Variants in PRSS38 observed in about 807,000 individuals in gnomAD.
The protein encoded by PRSS38 is serine protease 38, also known as marapsin 2.
Under a neutral mutation model 26.8 loss-of-function variants are expected in PRSS38, and 22 were observed. The ratio of observed to expected loss-of-function variants is 0.82; its 90% CI spans 0.59 to 1.17. PRSS38 has a LOEUF of 1.17. PRSS38 is among the 50% of genes most tolerant of loss of function. PRSS38 has a pLI of 0.00. For missense variants in PRSS38, 427 were observed against 422.7 expected (o/e 1.01, Z -0.09); for synonymous variants, 175 against 172.1 (o/e 1.02, Z -0.13).
chr1:227,837,114 C>T (rs1198113514), intron 3 of PRSS38, among the ~76,000 whole-genome samples: 1 of 152,194 alleles, frequency 6.6e-6, no homozygotes, highest in African/African-American at 2.4e-5. Context: ...CCTCAGCCTT[C>T]AGAGGAGCTG....
chr1:227,844,279 C>T (rs1665381707), intron 3 of PRSS38, among the ~76,000 whole-genome samples: 1 of 151,932 alleles, frequency 6.6e-6, no homozygotes, highest in African/African-American at 2.4e-5. Context: ...GTCGGGACTT[C>T]ATTCATGGGT....
At chr1:227,818,675 C>CAAA (rs71180764) in intron 3 of PRSS38, among the ~76,000 whole-genome samples, 5,434 of 60,948 alleles carry the variant, frequency 0.089, 446 homozygotes, top group Non-Finnish European at 0.11. Context: ...GACCTTCTCT[C>CAAA]AAAAAAAAAA....
At chr1:227,825,372 A>G (rs942765893) in intron 3 of PRSS38, among the ~76,000 whole-genome samples, 1 of 152,074 alleles carries the variant, frequency 6.6e-6, no homozygotes, top group African/African-American at 2.4e-5. Flanking sequence ...TTGTATTTTT[A>G]GTAGAGGCAG....
chr1:227,830,720 G>C (rs1665142439), intron 3 of PRSS38, among the ~76,000 whole-genome samples: 1 of 151,776 alleles, frequency 6.6e-6, no homozygotes, highest in African/African-American at 2.4e-5. Context: ...GGCCAGGCTG[G>C]TCTCGAACTC....
At chr1:227,845,566 A>G in exon 4 of PRSS38, 1 of 1,613,672 alleles carries the variant, frequency 6.2e-7, no homozygotes, top group Non-Finnish European at 8.5e-7. Context: ...ATCATGCCCG[A>G]CATGCTGTGT....
intron 3 of PRSS38, among the ~76,000 whole-genome samples, chr1:227,818,920 T>C (rs1383453118): frequency 6.6e-6 from 1 of 152,212 alleles, no homozygotes; most frequent in African/African-American, 2.4e-5. Flanking sequence ...ATGATTACTC[T>C]GTCTTACTCT....
chr1:227,837,760 A>G (rs902027927), intron 3 of PRSS38, among the ~76,000 whole-genome samples: 1 of 152,206 alleles, frequency 6.6e-6, no homozygotes, highest in African/African-American at 2.4e-5. Flanking sequence ...GATACTTGGT[A>G]GTGCCATCTT....
chr1:227,815,923 C>A, intron 1 of PRSS38, 59 bp downstream of exon 1: 1 of 1,540,928 alleles, frequency 6.5e-7, no homozygotes, highest in Non-Finnish European at 8.8e-7. Flanking sequence ...GGGCGTCTGT[C>A]GGTGCTGGGC....
In PRSS38 at chr1:227,816,028, G is replaced by A; in HGVS notation, c.149-62G>A. Reference sequence around the variant, plus strand: ...CCCCTGCCCCTCCCCCACGTCCCCTGCCTGCCCTACCTCTCCCGTGGCCCC... The same window carrying A: ...CCCCTGCCCCTCCCCCACGTCCCCTACCTGCCCTACCTCTCCCGTGGCCCC... On this transcript the variant is annotated intron_variant, in intron 1 of 4. Transcript: ENST00000366757. The surrounding 1 kb of genome is among the most constrained non-coding windows in gnomAD (Gnocchi z 5.1). 1 of 1,528,030 alleles carries A rather than the reference G, an allele frequency of 6.5e-7. No homozygotes were observed. The highest frequency in any genetic ancestry group is 8.9e-7 in the Non-Finnish European group (1 of 1,128,674). The allele number at this position is 1,528,030 out of a possible 1,614,324, so 94.7% of individuals were successfully genotyped here. A position where few individuals can be genotyped will look rare whatever the true frequency, so the allele number is the denominator to read the frequency against.
intron 3 of PRSS38, among the ~76,000 whole-genome samples, chr1:227,837,297 T>C (rs1359634415): frequency 1.3e-5 from 2 of 152,254 alleles, no homozygotes; most frequent in African/African-American, 4.8e-5. Context: ...AATTTTGTCA[T>C]CATTTAGTAG....
intron 3 of PRSS38, among the ~76,000 whole-genome samples, chr1:227,818,828 T>C (rs1664960981): frequency 6.6e-6 from 1 of 152,306 alleles, no homozygotes; most frequent in South Asian, 2.1e-4. Context: ...CAATAGTTTC[T>C]ATTAAAGTAA....
chr1:227,825,685 T>C (rs936555270), intron 3 of PRSS38, among the ~76,000 whole-genome samples: 3 of 152,172 alleles, frequency 2.0e-5, no homozygotes, highest in African/African-American at 7.2e-5. Flanking sequence ...GATCAGATGA[T>C]TGTAGGTGTG....
At chr1:227,842,043 G>A (rs568615381) in intron 3 of PRSS38, among the ~76,000 whole-genome samples, 13 of 152,194 alleles carry the variant, frequency 8.5e-5, no homozygotes, top group African/African-American at 3.1e-4. Context: ...GAAGCCAGTA[G>A]AATGAGAACT....
chr1:227,834,388 G>A (rs1164029054), intron 3 of PRSS38, among the ~76,000 whole-genome samples: 2 of 152,084 alleles, frequency 1.3e-5, no homozygotes, highest in African/African-American at 4.8e-5. Context: ...AAATAAATTG[G>A]CCAGGTGTAG....
chr1:227,835,673 A>G (rs1356672550), intron 3 of PRSS38, among the ~76,000 whole-genome samples: 2 of 152,212 alleles, frequency 1.3e-5, no homozygotes, highest in African/African-American at 4.8e-5. Context: ...TCGAGCCTCA[A>G]AAACACAATG....
exon 5 of PRSS38, chr1:227,846,093 G>T (rs1444612821): frequency 6.2e-7 from 1 of 1,614,216 alleles, no homozygotes; most frequent in Admixed American, 1.7e-5. Context: ...AAATGGATAT[G>T]TGATAACATA....
At chr1:227,825,411 C>T (rs1043534527) in intron 3 of PRSS38, among the ~76,000 whole-genome samples, 1 of 152,222 alleles carries the variant, frequency 6.6e-6, no homozygotes, top group South Asian at 2.1e-4. Flanking sequence ...GGGATGGTCT[C>T]GATCTCCTGA....
intron 3 of PRSS38, among the ~76,000 whole-genome samples, chr1:227,820,901 T>C (rs767947529): frequency 2.0e-5 from 3 of 152,230 alleles, no homozygotes; most frequent in Non-Finnish European, 4.4e-5. Context: ...CTTTACTTGT[T>C]ATAGATCTTT....
intron 3 of PRSS38, among the ~76,000 whole-genome samples, chr1:227,827,454 G>A (rs994841965): frequency 2.8e-4 from 43 of 152,074 alleles, no homozygotes; most frequent in Admixed American, 8.5e-4. Context: ...TTCTTTTCTA[G>A]ATTTTTTTAG....
Sources: allele counts gnomAD v4.1 joint callset (sites outside exome capture counted in the v4.1 genomes callset), GRCh38; gene constraint gnomAD v4.1.1; non-coding constraint Gnocchi (gnomAD v3.1); transcripts MANE v1.5; gene names NCBI Gene and HGNC (gene_info 2026-07-23, HGNC 2026-07-21).